The following ARMC1 variants were observed in gnomAD, a reference collection of about 807,000 sequenced individuals.
ARMC1 encodes armadillo repeat-containing protein 1.
A neutral mutation model predicts 31.4 loss-of-function variants in ARMC1; 16 were observed. The ratio of observed to expected loss-of-function variants is 0.51; its 90% CI spans 0.34 to 0.77. The LOEUF (loss-of-function observed/expected upper bound fraction) is 0.77. ARMC1 is among the 30% of genes least tolerant of loss of function. The pLI is 0.01. For missense variants in ARMC1, 259 were observed against 347.5 expected (o/e 0.75, Z 2.02); for synonymous variants, 114 against 118.9 (o/e 0.96, Z 0.27).
At chr8:65,615,465 G>C (rs892221307) in intron 3 of ARMC1, among the ~76,000 whole-genome samples, 1 of 151,154 alleles carries the variant, frequency 6.6e-6, no homozygotes, top group Non-Finnish European at 1.5e-5. Flanking sequence ...AACACTTTGT[G>C]AGGCTGAGGT....
At chr8:65,616,808 G>A (rs1265923935) in intron 3 of ARMC1, among the ~76,000 whole-genome samples, 17 of 149,054 alleles carry the variant, frequency 1.1e-4, no homozygotes, top group Middle Eastern at 3.6e-3. Flanking sequence ...GGTGAGGAGC[G>A]TCTCTGCCCG....
intron 3 of ARMC1, among the ~76,000 whole-genome samples, chr8:65,621,117 C>CA (rs1331157558): frequency 3.3e-5 from 5 of 151,756 alleles, no homozygotes; most frequent in South Asian, 2.1e-4. Context: ...ACCAAACAAA[C>CA]AAAAAAACCC....
chr8:65,609,467 G>C lies in ARMC1; in HGVS notation c.465+3777C>G, dbSNP rs536904269. The stretch of plus-strand genomic sequence containing the variant: ...AAATTGCCTTGTGACCCCACTTCCA[G>C]TAAGATAGCTGTGGACTGATTTGGG... On this transcript the variant is annotated intron_variant, in intron 4 of 6. Transcript: ENST00000276569. Among the ~76,000 whole-genome samples the C allele has an allele frequency of 3.5e-4, 54 of 152,234 alleles. No individual in the cohort carries two copies. The South Asian group carries it at 0.011, about 31-fold the overall frequency.
chr8:65,632,049 T>G (rs566573244), intron 1 of ARMC1, among the ~76,000 whole-genome samples: 2 of 152,210 alleles, frequency 1.3e-5, no homozygotes, highest in African/African-American at 2.4e-5. Context: ...CCAGGCTGGA[T>G]GGCAGTGGCA....
chr8:65,616,153 CCCCTCTT>C (rs1192187263), intron 3 of ARMC1, among the ~76,000 whole-genome samples: 5 of 152,342 alleles, frequency 3.3e-5, no homozygotes, highest in South Asian at 2.1e-4. Flanking sequence ...TCTCCCCTCT[CCCCTCTT>C]CCCGGTCTCC....
chr8:65,611,306 A>C (rs1248973572), intron 4 of ARMC1, among the ~76,000 whole-genome samples: 1 of 152,018 alleles, frequency 6.6e-6, no homozygotes, highest in East Asian at 1.9e-4. Flanking sequence ...ATAATTTATG[A>C]CTTTTCTCTT....
In ARMC1 at chr8:65,608,239, A is replaced by T. The variant is rs546647856; in HGVS notation, c.466-2701T>A. Among the ~76,000 whole-genome samples, 165 of 152,328 alleles carry T rather than the reference A, an allele frequency of 1.1e-3. 1 individual carries two copies. The highest frequency in any genetic ancestry group is 3.4e-3 in the Middle Eastern group (1 of 294). ...TTATAATATTGTGATTAAAAGTTCG[A>T]TTCTGGGCCAGGCGCGGTGGCTCAC... is the stretch of plus-strand genomic sequence containing the variant. On this transcript the variant is annotated intron_variant, in intron 4 of 6. Transcript: ENST00000276569.
chr8:65,629,092 T>C lies in ARMC1; in HGVS notation c.-35-1659A>G, dbSNP rs147024556. ...ACTGACTGAACCTGGGAAGCGGAGGTTGCAGTGAGCCGAGATTGCGCCATT... is the reference window on the plus strand; with the variant it reads ...ACTGACTGAACCTGGGAAGCGGAGGCTGCAGTGAGCCGAGATTGCGCCATT... On this transcript the variant is annotated intron_variant, in intron 1 of 6. Coordinates refer to ENST00000276569, the MANE Select transcript of ARMC1 (RefSeq NM_018120.6). Among the ~76,000 whole-genome samples the C allele has an allele frequency of 9.4e-4, 142 of 150,782 alleles. 1 individual carries two copies. The highest frequency in any genetic ancestry group is 3.3e-3 in the African/African-American group (135 of 41,026).
At chr8:65,626,977 C>T (rs7006219) in intron 2 of ARMC1, among the ~76,000 whole-genome samples, 9,115 of 149,606 alleles carry the variant, frequency 0.061, 951 homozygotes, top group African/African-American at 0.21. Context: ...GATCCTGCCA[C>T]AGTGTACTCC....
intron 3 of ARMC1, among the ~76,000 whole-genome samples, chr8:65,614,253 CAA>C (rs1235115282): frequency 6.6e-6 from 1 of 152,156 alleles, no homozygotes; most frequent in East Asian, 1.9e-4. Flanking sequence ...ACAGCTCTAA[CAA>C]AAGTTTTCAT....
chr8:65,626,045 C>T (rs1418285641), intron 2 of ARMC1, among the ~76,000 whole-genome samples: 1 of 152,034 alleles, frequency 6.6e-6, no homozygotes, highest in Non-Finnish European at 1.5e-5. Flanking sequence ...CCCACCACCA[C>T]GCCCGGCTAA....
At position 65,613,246 on chromosome 8, in the gene ARMC1, T is replaced by C; in HGVS notation, c.463A>G (p.Thr155Ala). The C allele has an allele frequency of 6.3e-7, 1 of 1,597,522 alleles. No individual in the cohort carries two copies. Among genetic ancestry groups the C allele is most frequent in the Non-Finnish European group, 8.5e-7 (1 of 1,173,866 alleles). The stretch of plus-strand genomic sequence containing the variant: ...CTTTCCCATCTAACAGACCTTACCG[T>C]ATCATCAAGGCCATCTATATGCAAA... ...VVLHIDGLDD[T>A]SRRNLCEEAL... The change falls in exon 4 of 7, where the codon ACG becomes GCG. Residue 155 changes from threonine (T) to alanine (A), a missense_variant and splice_region_variant. By Grantham distance (58) the Thr-to-Ala change is moderately conservative. Coordinates refer to ENST00000276569, the MANE Select transcript of ARMC1 (RefSeq NM_018120.6).
intron 2 of ARMC1, among the ~76,000 whole-genome samples, chr8:65,624,508 A>C (rs1321164843): frequency 6.6e-6 from 1 of 151,534 alleles, no homozygotes; most frequent in Non-Finnish European, 1.5e-5. Context: ...CAAAAAAAAA[A>C]AAAGACATTT....
rs187983717 is a variant in ARMC1 at position 65,605,619 on chromosome 8, G to A, written c.466-81C>T. On this transcript the variant is annotated intron_variant, in intron 4 of 6. Transcript: ENST00000276569. ...AGTGAAAACCAAGCTATATTTTGGA[G>A]GGGGGAAGAGAGCAAATGACCTATT... The A allele has an allele frequency of 1.0e-4, 100 of 979,204 alleles. No homozygotes were observed. The African/African-American group carries it at 1.2e-3, about 12-fold the overall frequency. The allele number at this position is 979,204 out of a possible 1,614,324, so 60.7% of individuals were successfully genotyped here. A position where few individuals can be genotyped will look rare whatever the true frequency, so the allele number is the denominator to read the frequency against.
In ARMC1 at chr8:65,627,302, C is replaced by G; in HGVS notation, c.97G>C (p.Ala33Pro). 1 of 1,613,452 alleles carries G rather than the reference C, an allele frequency of 6.2e-7. No individual in the cohort carries two copies. Among genetic ancestry groups the G allele is most frequent in the Non-Finnish European group, 8.5e-7 (1 of 1,179,718 alleles). Residue 33 changes from alanine to proline, a missense_variant, in exon 2 of 7, where the codon GCC becomes CCC. By Grantham distance (27) the Ala-to-Pro change is conservative. Transcript: ENST00000276569. ...AGACATCCCTGATCCTGGACGATGG[C>G]TCTTCTGTTTAACGGATCTGCTGCT... ...DLAADPLNRR[A>P]IVQDQGCLPG...
intron 4 of ARMC1, among the ~76,000 whole-genome samples, chr8:65,610,982 G>A (rs542378101): frequency 6.6e-6 from 1 of 151,386 alleles, no homozygotes; most frequent in East Asian, 1.9e-4. Context: ...CACCCAGGCT[G>A]GAGTGCAGTG....
At position 65,602,471 on chromosome 8, in the gene ARMC1, ATT is replaced by A. The variant is rs1807912401; in HGVS notation, c.*1921_*1922del. 1 of 152,186 alleles carries A rather than the reference ATT, an allele frequency of 6.6e-6. No homozygotes were observed. The highest frequency in any genetic ancestry group is 1.5e-5 in the Non-Finnish European group (1 of 68,028). 9.4% of individuals were successfully genotyped at this position (152,186 alleles called of 1,614,324 possible). On this transcript the variant is annotated 3_prime_UTR_variant, in exon 7 of 7. Transcript: ENST00000276569. ...ACCACAAGTATATAATATCCACTCG[ATT>A]TTAATTATGTTACCTTTTATTATTT...
At chr8:65,629,774 G>C (rs1808597319) in intron 1 of ARMC1, among the ~76,000 whole-genome samples, 1 of 144,772 alleles carries the variant, frequency 6.9e-6, no homozygotes, top group Non-Finnish European at 1.5e-5. Flanking sequence ...ACTCCAGCCT[G>C]GGCAACAGAG....
chr8:65,610,897 T>C (rs572547014), intron 4 of ARMC1, among the ~76,000 whole-genome samples: 6 of 152,252 alleles, frequency 3.9e-5, no homozygotes, highest in African/African-American at 1.4e-4. Flanking sequence ...ATCTACATTA[T>C]GAAATTTATT....
Sources: gnomAD v4.1 joint callset for allele counts (sites outside exome capture counted in the v4.1 genomes callset) on GRCh38, gnomAD v4.1.1 for gene constraint, MANE v1.5 for transcripts, NCBI Gene and HGNC (gene_info 2026-07-23, HGNC 2026-07-21) for gene names.